The following GPR39 variants were observed in gnomAD, a reference collection of about 807,000 sequenced individuals.
GPR39 encodes zinc sensing receptor.
Under a neutral mutation model 18.4 loss-of-function variants are expected in GPR39, and 23 were observed. The observed-to-expected ratio is 1.25, with a 90% confidence interval of 0.90 to 1.77. The LOEUF (loss-of-function observed/expected upper bound fraction) is 1.77. GPR39 is among the 40% of genes most tolerant of loss of function. The probability of loss-of-function intolerance (pLI) is 0.00; values close to 1 mark genes in which losing one functional copy is unlikely to be tolerated. For synonymous variants in GPR39, 280 were observed against 257.9 expected, an observed-to-expected ratio of 1.09 and a Z score of -0.82; for missense variants, 647 against 602.4, an observed-to-expected ratio of 1.07 and a Z score of -0.78.
chr2:132,631,393 G>A (rs918107311), intron 1 of GPR39, among the ~76,000 whole-genome samples: 4 of 152,162 alleles, frequency 2.6e-5, no homozygotes, highest in African/African-American at 9.7e-5. Context: ...TTATCATGTT[G>A]TGCAACAGCA....
At chr2:132,597,395 C>T (rs1049006506) in intron 1 of GPR39, among the ~76,000 whole-genome samples, 5 of 152,194 alleles carry the variant, frequency 3.3e-5, no homozygotes, top group Non-Finnish European at 7.4e-5. Context: ...CTCTGTCAGG[C>T]ATGTTGGGAT....
intron 1 of GPR39, among the ~76,000 whole-genome samples, chr2:132,570,188 T>C (rs142915085): frequency 1.3e-5 from 2 of 152,056 alleles, no homozygotes; most frequent in Non-Finnish European, 2.9e-5. Flanking sequence ...CCTTGTTTCC[T>C]CCTTTCTTTC....
intron 1 of GPR39, among the ~76,000 whole-genome samples, chr2:132,508,796 G>A (rs2104756553): frequency 6.6e-6 from 1 of 152,304 alleles, no homozygotes; most frequent in South Asian, 2.1e-4. Context: ...CAGAGACATT[G>A]GTGAAGGAGT....
chr2:132,421,569 G>T (rs749493986), intron 1 of GPR39, among the ~76,000 whole-genome samples: 1 of 152,322 alleles, frequency 6.6e-6, no homozygotes, highest in African/African-American at 2.4e-5. Flanking sequence ...AAGGGAAGAA[G>T]TTACATCTAG....
At chr2:132,639,800 G>A (rs989767372) in intron 1 of GPR39, among the ~76,000 whole-genome samples, 4 of 152,104 alleles carry the variant, frequency 2.6e-5, no homozygotes, top group Non-Finnish European at 4.4e-5. Flanking sequence ...TGGAGGACCC[G>A]CTTCTAAAAC....
At chr2:132,478,062 A>C (rs1003488189) in intron 1 of GPR39, among the ~76,000 whole-genome samples, 1 of 152,210 alleles carries the variant, frequency 6.6e-6, no homozygotes, top group Admixed American at 6.5e-5. Context: ...TCCCACACAT[A>C]ATCACCAACT....
At chr2:132,581,734 T>A (rs1439101117) in intron 1 of GPR39, among the ~76,000 whole-genome samples, 5 of 152,168 alleles carry the variant, frequency 3.3e-5, no homozygotes, top group Admixed American at 3.3e-4. Context: ...AGAAACCAAT[T>A]TGATCTTCAG....
intron 1 of GPR39, among the ~76,000 whole-genome samples, chr2:132,430,294 A>T (rs901950327): frequency 2.0e-5 from 3 of 152,198 alleles, no homozygotes; most frequent in Non-Finnish European, 4.4e-5. Flanking sequence ...GGACATTGGC[A>T]TTATTTAAGC....
intron 1 of GPR39, among the ~76,000 whole-genome samples, chr2:132,536,409 G>A (rs2104781113): frequency 6.6e-6 from 1 of 152,244 alleles, no homozygotes; most frequent in Non-Finnish European, 1.5e-5. Context: ...GATTTCTAAT[G>A]TAGTTGCACT....
chr2:132,442,287 C>T (rs1230624241), intron 1 of GPR39, among the ~76,000 whole-genome samples: 1 of 152,158 alleles, frequency 6.6e-6, no homozygotes, highest in African/African-American at 2.4e-5. Context: ...AGCATGAGGT[C>T]GTTGCAACAA....
chr2:132,440,178 G>A (rs1159351653), intron 1 of GPR39, among the ~76,000 whole-genome samples: 2 of 152,154 alleles, frequency 1.3e-5, no homozygotes, highest in African/African-American at 2.4e-5. Flanking sequence ...CATCTCCAAA[G>A]GACAGAGTCC....
At chr2:132,617,705 A>T (rs567847852) in intron 1 of GPR39, among the ~76,000 whole-genome samples, 7 of 152,170 alleles carry the variant, frequency 4.6e-5, no homozygotes, top group Admixed American at 2.0e-4. Context: ...TAGTAGTAGC[A>T]TCTTTTACAA....
intron 1 of GPR39, among the ~76,000 whole-genome samples, chr2:132,633,268 T>C (rs2104871772): frequency 6.6e-6 from 1 of 152,124 alleles, no homozygotes; most frequent in South Asian, 2.1e-4. Flanking sequence ...AATCCTACCT[T>C]CTATCAATTT....
chr2:132,470,264 TG>T lies in GPR39; in HGVS notation c.856+52369del, dbSNP rs1681005522. On this transcript the variant is annotated intron_variant, in intron 1 of 1. Transcript: ENST00000329321. ...GTGTGAGACTGCCATTTGTGAGGGATGGGAGTGCTATGGAGGGAGGAGATGA... is the reference window on the plus strand; with the variant it reads ...GTGTGAGACTGCCATTTGTGAGGGATGGAGTGCTATGGAGGGAGGAGATGA... Among the ~76,000 whole-genome samples the T allele has an allele frequency of 2.0e-5, 3 of 152,228 alleles. No homozygotes were observed. The South Asian group carries it at 6.2e-4, about 32-fold the overall frequency.
At chr2:132,494,928 G>T (rs1681609832) in intron 1 of GPR39, among the ~76,000 whole-genome samples, 1 of 152,140 alleles carries the variant, frequency 6.6e-6, no homozygotes, top group Admixed American at 6.5e-5. Context: ...ACTGGGTTTT[G>T]AGACAAAAGA....
At chr2:132,559,570 G>A (rs150821076) in intron 1 of GPR39, among the ~76,000 whole-genome samples, 109 of 152,118 alleles carry the variant, frequency 7.2e-4, no homozygotes, top group Admixed American at 4.4e-3. Flanking sequence ...ATGGAAGCAC[G>A]CTCAGGGCAG....
chr2:132,530,552 T>C (rs376244913), intron 1 of GPR39, among the ~76,000 whole-genome samples: 1 of 151,846 alleles, frequency 6.6e-6, no homozygotes, highest in African/African-American at 2.4e-5. Context: ...ACACATAATT[T>C]TCAGTCACCA....
At chr2:132,425,965 T>C (rs1680111651) in intron 1 of GPR39, among the ~76,000 whole-genome samples, 1 of 152,218 alleles carries the variant, frequency 6.6e-6, no homozygotes, top group Non-Finnish European at 1.5e-5. Context: ...GATCTACAGA[T>C]TTGTGTGCTA....
In GPR39 at chr2:132,607,200, G is replaced by A. The variant is rs1277720604; in HGVS notation, c.857-37901G>A. ...CCTGCTCTGGCATATTTCAGTGAGT[G>A]ACAGGAATTGCAAAATTTACAAGAT... On this transcript the variant is annotated intron_variant, in intron 1 of 1. Transcript: ENST00000329321. 2.0e-5 allele frequency among the ~76,000 whole-genome samples: 3 copies of A among 152,318 alleles called. No homozygotes were observed. The East Asian group carries it at 5.8e-4, about 29-fold the overall frequency.
Sources: gnomAD v4.1 joint callset for allele counts (sites outside exome capture counted in the v4.1 genomes callset) on GRCh38, gnomAD v4.1.1 for gene constraint, MANE v1.5 for transcripts, NCBI Gene and HGNC (gene_info 2026-07-23, HGNC 2026-07-21) for gene names.